CCL24: variants seen among roughly 807,000 people sequenced by gnomAD.
The protein encoded by CCL24 is C-C motif chemokine ligand 24, also known as C-C motif chemokine 24.
Under a neutral mutation model 8.6 loss-of-function variants are expected in CCL24, and 6 were observed. The ratio of observed to expected loss-of-function variants is 0.70; its 90% CI spans 0.38 to 1.38. The LOEUF (loss-of-function observed/expected upper bound fraction) is 1.38. Among genes scored for constraint, CCL24 ranks in the 40% most tolerant of loss-of-function variants. CCL24 has a pLI of 0.02. For synonymous variants in CCL24, 59 were observed against 52.7 expected (o/e 1.12, Z -0.52); for missense variants, 126 against 147.1 (o/e 0.86, Z 0.74).
At position 75,819,730 on chromosome 7, in the gene CCL24, CAAAG is replaced by C. The variant is rs1443252900; in HGVS notation, c.-60+3588_-60+3591del. On this transcript the variant is annotated intron_variant, in intron 1 of 3. Coordinates refer to the CCL24 transcript ENST00000416943. ...GGTAAAAGTAGACCACACACACACACAAAGAAAGAAAGAAAAAAAATCCTGTGTC... is the reference window on the plus strand; with the variant it reads ...GGTAAAAGTAGACCACACACACACACAAAGAAAGAAAAAAAATCCTGTGTC... Among the ~76,000 whole-genome samples the C allele has an allele frequency of 2.0e-5, 3 of 151,690 alleles. No individual in the cohort carries two copies. In the East Asian group the frequency reaches 5.8e-4, roughly 29 times the overall value.
At chr7:75,822,662 C>G (rs779594915) in intron 1 of CCL24, among the ~76,000 whole-genome samples, 59 of 152,134 alleles carry the variant, frequency 3.9e-4, no homozygotes, top group Non-Finnish European at 7.6e-4. Flanking sequence ...AAACCCATCT[C>G]TACTAAAAAT....
At chr7:75,815,470 C>T (rs577889709), upstream of CCL24, among the ~76,000 whole-genome samples, 82 of 151,736 alleles carry the variant, frequency 5.4e-4, 1 homozygote, top group Admixed American at 4.4e-3. Flanking sequence ...AGCAAAACCC[C>T]GTCTTTAAAA....
chr7:75,812,667 C>T (rs140582077), intron 2 of CCL24, among the ~76,000 whole-genome samples: 204 of 152,234 alleles, frequency 1.3e-3, no homozygotes, highest in African/African-American at 4.6e-3. Flanking sequence ...TGGTGGATCA[C>T]GCCTGTAATC....
chr7:75,820,129 T>TCC (rs1804010316), intron 1 of CCL24, among the ~76,000 whole-genome samples: 1 of 102,538 alleles, frequency 9.8e-6, no homozygotes, highest in African/African-American at 3.4e-5. Context: ...CTTCTTCTTC[T>TCC]TCTCCTCCTC....
chr7:75,817,644 A>G (rs1803920621), upstream of CCL24, among the ~76,000 whole-genome samples: 1 of 151,240 alleles, frequency 6.6e-6, no homozygotes, highest in African/African-American at 2.4e-5. Flanking sequence ...CTGGGATTAT[A>G]GGCACCCATC....
chr7:75,820,080 T>TTCC (rs1491387176), intron 1 of CCL24, among the ~76,000 whole-genome samples: 23 of 137,494 alleles, frequency 1.7e-4, no homozygotes, highest in Non-Finnish European at 2.7e-4. Context: ...CTTCTTCTTC[T>TTCC]TCTTCTTCCT....
chr7:75,812,000 G>T, intron 2 of CCL24, 36 bp from the exon 3 acceptor site: 1 of 1,591,694 alleles, frequency 6.3e-7, no homozygotes. Context: ...AGCTGAGGTC[G>T]ACAGGGACCT....
intron 1 of CCL24, among the ~76,000 whole-genome samples, chr7:75,819,422 C>T (rs1202407258): frequency 4.2e-5 from 6 of 142,364 alleles, no homozygotes; most frequent in South Asian, 4.5e-4. Flanking sequence ...CTCAGGTGTT[C>T]GAGACCAGCC....
intron 1 of CCL24, among the ~76,000 whole-genome samples, chr7:75,822,914 C>A (rs782218694): frequency 5.3e-5 from 8 of 152,182 alleles, no homozygotes; most frequent in Non-Finnish European, 1.2e-4. Context: ...GGGCAGAACT[C>A]GTCCTACATC....
intron 1 of CCL24, among the ~76,000 whole-genome samples, chr7:75,821,615 G>A (rs1804049692): frequency 6.6e-6 from 1 of 152,046 alleles, no homozygotes; most frequent in South Asian, 2.1e-4. Context: ...AGGGCAGGTA[G>A]GGAGAGGTCT....
At chr7:75,821,732 G>A (rs1290354604) in intron 1 of CCL24, among the ~76,000 whole-genome samples, 1 of 152,052 alleles carries the variant, frequency 6.6e-6, no homozygotes, top group African/African-American at 2.4e-5. Flanking sequence ...TTTGAGACCA[G>A]CCTGATCAAC....
chr7:75,814,927 T>C (rs771694085), upstream of CCL24, among the ~76,000 whole-genome samples: 2 of 151,804 alleles, frequency 1.3e-5, no homozygotes, highest in African/African-American at 2.4e-5. Context: ...CCCGATGGTC[T>C]CTCGTGGAAG....
chr7:75,813,860 C>T, upstream of CCL24: 5 of 589,696 alleles, frequency 8.5e-6, no homozygotes, highest in South Asian at 1.8e-5. Context: ...GAAACACGCC[C>T]CCGAGCCCCC....
In CCL24 at chr7:75,811,411, G is replaced by A. The variant is rs1157437776; in HGVS notation, c.*385C>T. On this transcript the variant is annotated 3_prime_UTR_variant, in exon 3 of 3. Transcript: ENST00000222902. ...CGAGAATCACTTGAACCCAGGAGGC[G>A]GAGGTTGCAGTGAACCGAGATTGTG... Among the ~76,000 whole-genome samples the A allele has an allele frequency of 8.6e-5, 13 of 151,796 alleles. No homozygotes were observed. Among genetic ancestry groups the A allele is most frequent in the Non-Finnish European group, 1.8e-4 (12 of 67,940 alleles).
At chr7:75,813,245 G>T in intron 2 of CCL24, 61 bp downstream of exon 2, 1 of 989,374 alleles carries the variant, frequency 1.0e-6, no homozygotes, top group Non-Finnish European at 1.6e-6. Context: ...GCTTCTCAGG[G>T]ACCCTGGAGT....
intron 1 of CCL24, among the ~76,000 whole-genome samples, chr7:75,820,018 A>ACGTCTT (rs1230617445): frequency 0.087 from 9,120 of 105,156 alleles, 875 homozygotes; most frequent in Middle Eastern, 0.11. Flanking sequence ...TTAGTAAACT[A>ACGTCTT]CTTCTTCTTC....
At chr7:75,820,106 C>CTTCTT (rs1554534861) in intron 1 of CCL24, among the ~76,000 whole-genome samples, 9 of 72,112 alleles carry the variant, frequency 1.2e-4, no homozygotes, top group South Asian at 1.4e-3. Flanking sequence ...TCTTCTTCTT[C>CTTCTT]CTTCTTCTTC....
upstream of CCL24, among the ~76,000 whole-genome samples, chr7:75,817,686 A>G (rs1803921608): frequency 6.7e-6 from 1 of 149,870 alleles, no homozygotes; most frequent in Admixed American, 6.7e-5. Flanking sequence ...TTTTTTTAGT[A>G]AAGATGGGAT....
chr7:75,816,363 T>G (rs1803890934), upstream of CCL24, among the ~76,000 whole-genome samples: 1 of 152,030 alleles, frequency 6.6e-6, no homozygotes, highest in Admixed American at 6.6e-5. Flanking sequence ...TCACTGCCTA[T>G]GCTTACAGAG....
Sources: allele counts gnomAD v4.1 joint callset (sites outside exome capture counted in the v4.1 genomes callset), GRCh38; gene constraint gnomAD v4.1.1; transcripts MANE v1.5; gene names NCBI Gene and HGNC (gene_info 2026-07-23, HGNC 2026-07-21).